PDGFC: variants seen among roughly 807,000 people sequenced by gnomAD.
The protein encoded by PDGFC is platelet derived growth factor C, also known as platelet-derived growth factor C.
A neutral mutation model predicts 35.5 loss-of-function variants in PDGFC; 12 were observed. That is an observed-to-expected ratio of 0.34 (90% confidence interval 0.22 to 0.55). PDGFC has a LOEUF of 0.55. Ranked by LOEUF, PDGFC falls within the 20% of genes least tolerant of loss-of-function variation. PDGFC has a pLI of 0.91. For missense variants in PDGFC, 322 were observed against 412.4 expected, an observed-to-expected ratio of 0.78 and a Z score of 1.90; for synonymous variants, 159 against 148.8, an observed-to-expected ratio of 1.07 and a Z score of -0.50.
chr4:156,858,087 T>C (rs1008850558), intron 1 of PDGFC, among the ~76,000 whole-genome samples: 1 of 152,074 alleles, frequency 6.6e-6, no homozygotes, highest in East Asian at 1.9e-4. Context: ...AATAGCCTTA[T>C]TTAAGTCTGT....
chr4:156,846,130 T>C (rs186742567), intron 2 of PDGFC, among the ~76,000 whole-genome samples: 13 of 151,902 alleles, frequency 8.6e-5, no homozygotes, highest in Non-Finnish European at 1.5e-4. Context: ...GACTCATAAA[T>C]GGATGCTAAA....
chr4:156,788,785 A>C (rs1418554766), intron 3 of PDGFC, among the ~76,000 whole-genome samples: 1 of 152,218 alleles, frequency 6.6e-6, no homozygotes, highest in Non-Finnish European at 1.5e-5. Context: ...ACTTTAAAAG[A>C]ATTTATCTTG....
At chr4:156,816,278 G>A (rs895882128) in intron 2 of PDGFC, among the ~76,000 whole-genome samples, 4 of 152,114 alleles carry the variant, frequency 2.6e-5, no homozygotes, top group Non-Finnish European at 5.9e-5. Flanking sequence ...AAAAGGCCTA[G>A]CCCTGCAAAT....
At chr4:156,926,090 T>C (rs995452460) in intron 1 of PDGFC, among the ~76,000 whole-genome samples, 1 of 141,150 alleles carries the variant, frequency 7.1e-6, no homozygotes, top group African/African-American at 2.6e-5. Flanking sequence ...AAGACAGGGA[T>C]CCACTACACT....
At chr4:156,869,785 A>G (rs1729935993) in intron 1 of PDGFC, among the ~76,000 whole-genome samples, 2 of 152,210 alleles carry the variant, frequency 1.3e-5, no homozygotes, top group African/African-American at 2.4e-5. Flanking sequence ...TAAACATTTC[A>G]GTGAACAAGA....
intron 1 of PDGFC, among the ~76,000 whole-genome samples, chr4:156,885,164 C>A (rs1420514071): frequency 1.3e-5 from 2 of 151,900 alleles, no homozygotes; most frequent in Non-Finnish European, 2.9e-5. Flanking sequence ...CATACACACA[C>A]ACACACACAC....
At chr4:156,833,739 C>T (rs907462427) in intron 2 of PDGFC, among the ~76,000 whole-genome samples, 2 of 152,188 alleles carry the variant, frequency 1.3e-5, no homozygotes, top group South Asian at 4.1e-4. Context: ...ACTATCTCTA[C>T]AATTTACTTG....
At chr4:156,808,552 G>C (rs1198517541) in intron 3 of PDGFC, among the ~76,000 whole-genome samples, 4 of 151,922 alleles carry the variant, frequency 2.6e-5, no homozygotes, top group Non-Finnish European at 5.9e-5. Context: ...GAACTTTTAA[G>C]TCTGCTGTCC....
intron 1 of PDGFC, among the ~76,000 whole-genome samples, chr4:156,884,617 T>C (rs1057271272): frequency 6.6e-6 from 1 of 152,144 alleles, no homozygotes; most frequent in East Asian, 1.9e-4. Context: ...TAATGAAAAA[T>C]TTCAATATTT....
At chr4:156,826,839 T>C (rs1219570847) in intron 2 of PDGFC, among the ~76,000 whole-genome samples, 8 of 152,136 alleles carry the variant, frequency 5.3e-5, no homozygotes, top group African/African-American at 1.9e-4. Context: ...TCTTCATTTA[T>C]ATATACAAAT....
intron 1 of PDGFC, among the ~76,000 whole-genome samples, chr4:156,963,389 G>A (rs112770210): frequency 6.6e-6 from 1 of 152,010 alleles, no homozygotes; most frequent in South Asian, 2.1e-4. Flanking sequence ...AACATCACCT[G>A]AGCCTGGGGA....
chr4:156,773,944 T>A (rs1730753347), intron 3 of PDGFC, among the ~76,000 whole-genome samples: 1 of 152,196 alleles, frequency 6.6e-6, no homozygotes, highest in African/African-American at 2.4e-5. Flanking sequence ...TTCATTCTCA[T>A]TACTTCCATC....
rs113522599 is a variant in PDGFC at position 156,847,736 on chromosome 4, T to G, written c.314+2485A>C. Among the ~76,000 whole-genome samples, 6 of 149,478 alleles carry G rather than the reference T, an allele frequency of 4.0e-5. 1 individual carries two copies. The highest frequency in any genetic ancestry group is 4.0e-4 in the Admixed American group (6 of 15,028). ...CTCTCTGTACTATCTTTACAACATT[T>G]TTTATACCTATTTTTATACTAAAAA... On this transcript the variant is annotated intron_variant, in intron 2 of 5. Coordinates refer to ENST00000502773, the MANE Select transcript of PDGFC (RefSeq NM_016205.3).
intron 2 of PDGFC, among the ~76,000 whole-genome samples, chr4:156,831,019 G>A (rs1407863096): frequency 1.3e-5 from 2 of 152,098 alleles, no homozygotes; most frequent in Admixed American, 6.6e-5. Flanking sequence ...GCTTTCCAGA[G>A]GCCAGGGGCC....
intron 1 of PDGFC, among the ~76,000 whole-genome samples, chr4:156,944,456 T>G (rs1246743012): frequency 1.3e-5 from 2 of 152,128 alleles, no homozygotes; most frequent in African/African-American, 4.8e-5. Flanking sequence ...TGCACTGACT[T>G]CTTATCATGA....
chr4:156,897,428 T>A (rs1730661567), intron 1 of PDGFC, among the ~76,000 whole-genome samples: 1 of 151,570 alleles, frequency 6.6e-6, no homozygotes, highest in Non-Finnish European at 1.5e-5. Flanking sequence ...TTAACCATTT[T>A]TAAATTTTCA....
At chr4:156,840,017 G>C (rs909936445) in intron 2 of PDGFC, among the ~76,000 whole-genome samples, 6 of 152,144 alleles carry the variant, frequency 3.9e-5, no homozygotes, top group Admixed American at 2.0e-4. Flanking sequence ...CAGAGCATAA[G>C]AGTTTGGAAA....
chr4:156,885,269 T>C (rs1006588123), intron 1 of PDGFC, among the ~76,000 whole-genome samples: 1 of 152,142 alleles, frequency 6.6e-6, no homozygotes, highest in Non-Finnish European at 1.5e-5. Context: ...GTGTGCTTAT[T>C]TCATCTTGTC....
intron 1 of PDGFC, among the ~76,000 whole-genome samples, chr4:156,865,886 C>A (rs1729828616): frequency 6.6e-6 from 1 of 152,140 alleles, no homozygotes; most frequent in Non-Finnish European, 1.5e-5. Flanking sequence ...GATCCTCGTT[C>A]TTGTTTTGAT....
Sources: allele counts gnomAD v4.1 joint callset (sites outside exome capture counted in the v4.1 genomes callset), GRCh38; gene constraint gnomAD v4.1.1; transcripts MANE v1.5; gene names NCBI Gene and HGNC (gene_info 2026-07-23, HGNC 2026-07-21).